LAMC3: variants seen among roughly 807,000 people sequenced by gnomAD.
LAMC3 encodes laminin subunit gamma 3.
A neutral mutation model predicts 173.8 loss-of-function variants in LAMC3; 128 were observed. The observed-to-expected ratio is 0.74, with a 90% CI of 0.64 to 0.85. The LOEUF is 0.85. Among genes scored for constraint, LAMC3 ranks in the 40% least tolerant of loss-of-function variants. The pLI is 0.00. For missense variants in LAMC3, 2,022 were observed against 2,156.0 expected, an observed-to-expected ratio of 0.94 and a Z score of 1.23; for synonymous variants, 897 against 909.1, an observed-to-expected ratio of 0.99 and a Z score of 0.24.
intron 25 of LAMC3, 126 bp from the exon 26 acceptor site, chr9:131,087,350 C>A: frequency 8.2e-7 from 1 of 1,213,442 alleles, no homozygotes; most frequent in Non-Finnish European, 1.2e-6. Flanking sequence ...TTGTTGCGTG[C>A]ATGAATGAAT....
At chr9:131,058,118 T>G (rs11244266) in intron 12 of LAMC3, among the ~76,000 whole-genome samples, 10 of 12,818 alleles carry the variant, frequency 7.8e-4, no homozygotes, top group East Asian at 1.7e-3. Flanking sequence ...TATGTTTTAT[T>G]TTTTATTTTT....
At chr9:131,047,172 T>TTTTTTTTTTTTTTTTTTTTTTTG in intron 8 of LAMC3, among the ~76,000 whole-genome samples, 1 of 135,358 alleles carries the variant, frequency 7.4e-6, no homozygotes, top group Non-Finnish European at 1.6e-5. Flanking sequence ...CCTCTTTTTT[T>TTTTTTTTTTTTTTTTTTTTTTTG]TTTTTTTTTT....
chr9:131,027,051 T>A (rs1188364785), intron 2 of LAMC3, among the ~76,000 whole-genome samples: 1 of 152,194 alleles, frequency 6.6e-6, no homozygotes, highest in Non-Finnish European at 1.5e-5. Flanking sequence ...CACAGAAGGC[T>A]TGTTGCACCC....
At chr9:131,031,229 G>A (rs969673100) in intron 2 of LAMC3, among the ~76,000 whole-genome samples, 8 of 152,238 alleles carry the variant, frequency 5.3e-5, no homozygotes, top group Admixed American at 1.3e-4. Context: ...GAATCAAAAC[G>A]CTGATTAATA....
intron 4 of LAMC3, among the ~76,000 whole-genome samples, chr9:131,038,261 C>T (rs1236663234): frequency 1.3e-5 from 2 of 152,228 alleles, no homozygotes; most frequent in Non-Finnish European, 2.9e-5. Flanking sequence ...TGTCTCAGCC[C>T]TGCACCTGCA....
At chr9:131,055,362 T>C in intron 11 of LAMC3, among the ~76,000 whole-genome samples, 1 of 152,074 alleles carries the variant, frequency 6.6e-6, no homozygotes. Context: ...TGCTCCTCTG[T>C]TACTGGAAGC....
chr9:131,038,177 G>A (rs1312542473), intron 4 of LAMC3, among the ~76,000 whole-genome samples: 3 of 152,274 alleles, frequency 2.0e-5, no homozygotes, highest in Admixed American at 1.3e-4. Context: ...ACTTCCTCTC[G>A]GAAGCCTTGT....
At chr9:131,088,128 C>T (rs1479471293) in intron 27 of LAMC3, among the ~76,000 whole-genome samples, 4 of 152,134 alleles carry the variant, frequency 2.6e-5, no homozygotes, top group Non-Finnish European at 5.9e-5. Context: ...CCACAGGCAC[C>T]GGGTGAGCAG....
intron 6 of LAMC3, among the ~76,000 whole-genome samples, chr9:131,041,076 A>T (rs183096151): frequency 1.0e-3 from 158 of 152,154 alleles, no homozygotes; most frequent in Non-Finnish European, 1.9e-3. Flanking sequence ...AGACAGAAAG[A>T]TTCATGGAGG....
chr9:131,057,216 TGAACAGG>T, intron 12 of LAMC3, 69 bp downstream of exon 12: 1 of 1,355,740 alleles, frequency 7.4e-7, no homozygotes, highest in Non-Finnish European at 1.0e-6. Context: ...AGTACTGACC[TGAACAGG>T]GCCAGCCTGG....
At chr9:131,076,109 T>C in intron 21 of LAMC3, 144 bp downstream of exon 21, 1 of 860,922 alleles carries the variant, frequency 1.2e-6, no homozygotes, top group Admixed American at 2.9e-5. Context: ...TGCATCCTCC[T>C]CGGAGTGGGG....
chr9:131,037,168 C>T (rs1260350174), intron 4 of LAMC3, among the ~76,000 whole-genome samples: 1 of 152,206 alleles, frequency 6.6e-6, no homozygotes, highest in Non-Finnish European at 1.5e-5. Flanking sequence ...GCCAAGGAAG[C>T]TGTGCTGGCT....
At chr9:131,065,589 A>G (rs1236021593) in intron 13 of LAMC3, among the ~76,000 whole-genome samples, 1 of 152,182 alleles carries the variant, frequency 6.6e-6, no homozygotes, top group Admixed American at 6.5e-5. Context: ...GAAGATAATG[A>G]TCAAAATGAT....
Position 131,052,549 on chromosome 9 carries a change from G to T in LAMC3, c.1689G>T (p.Arg563=). The T allele has an allele frequency of 6.2e-7, 1 of 1,614,154 alleles. No homozygotes were observed. Among genetic ancestry groups the T allele is most frequent in the Non-Finnish European group, 8.5e-7 (1 of 1,180,012 alleles). ...SYGQPLILTF[R]VPPGDSPLPV... ...GGCAGCCCCTCATACTGACCTTCCGGGTGCCCCCCGGGGACTCCCCACTCC... is the reference window on the plus strand; with the variant it reads ...GGCAGCCCCTCATACTGACCTTCCGTGTGCCCCCCGGGGACTCCCCACTCC... Residue 563 remains arginine, a synonymous_variant, in exon 10 of 28, where the codon CGG becomes CGT. Coordinates refer to ENST00000361069, the MANE Select transcript of LAMC3 (RefSeq NM_006059.4).
intron 21 of LAMC3, among the ~76,000 whole-genome samples, chr9:131,076,650 C>T (rs1296571347): frequency 1.3e-5 from 2 of 152,172 alleles, no homozygotes; most frequent in Non-Finnish European, 2.9e-5. Context: ...ATGGGTGGGA[C>T]AGGATGTGGA....
At chr9:131,076,641 TG>T (rs1830133308) in intron 21 of LAMC3, among the ~76,000 whole-genome samples, 1 of 152,020 alleles carries the variant, frequency 6.6e-6, no homozygotes, top group Non-Finnish European at 1.5e-5. Flanking sequence ...CGAGGAAGAA[TG>T]GGTGGGACAG....
intron 23 of LAMC3, among the ~76,000 whole-genome samples, chr9:131,081,435 TTCCCTCCCTCCC>T (rs147880294): frequency 4.7e-5 from 6 of 126,876 alleles, no homozygotes; most frequent in Admixed American, 3.9e-4. Context: ...TAGAGCAGTG[TTCCCTCCCTCCC>T]TCCCTCCCTC....
At chr9:131,090,795 G>A (rs1267792530) in intron 27 of LAMC3, among the ~76,000 whole-genome samples, 1 of 152,224 alleles carries the variant, frequency 6.6e-6, no homozygotes, top group African/African-American at 2.4e-5. Flanking sequence ...GGGAGGCTGA[G>A]GCGGGCAGAT....
intron 6 of LAMC3, among the ~76,000 whole-genome samples, chr9:131,039,962 A>G (rs1387598933): frequency 1.3e-5 from 2 of 151,300 alleles, no homozygotes; most frequent in Non-Finnish European, 2.9e-5. Context: ...AAAGTATACA[A>G]TGGCCAAAAA....
Sources: gnomAD v4.1 joint callset for allele counts (sites outside exome capture counted in the v4.1 genomes callset) on GRCh38, gnomAD v4.1.1 for gene constraint, MANE v1.5 for transcripts, NCBI Gene and HGNC (gene_info 2026-07-23, HGNC 2026-07-21) for gene names.